TUBGCP2: variants seen among roughly 807,000 people sequenced by gnomAD.
TUBGCP2 encodes gamma-tubulin complex component 2.
Under a neutral mutation model 92.2 loss-of-function variants are expected in TUBGCP2, and 55 were observed. That is an observed-to-expected ratio of 0.60 (90% confidence interval 0.48 to 0.75). The LOEUF (loss-of-function observed/expected upper bound fraction) is 0.75. Among genes scored for constraint, TUBGCP2 ranks in the 30% least tolerant of loss-of-function variants. The pLI, the probability that TUBGCP2 is intolerant of heterozygous loss-of-function variation, is 0.00. For synonymous variants in TUBGCP2, 533 were observed against 505.2 expected (o/e 1.06, Z -0.74); for missense variants, 1,093 against 1,188.9 (o/e 0.92, Z 1.19).
intron 2 of TUBGCP2, chr10:133,302,172 T>TC (rs1252121004): frequency 6.3e-6 from 1 of 159,070 alleles, no homozygotes; most frequent in Non-Finnish European, 1.4e-5. Context: ...CAGGAGCTGC[T>TC]GGGGGGAGTC....
chr10:133,291,801 G>A lies in TUBGCP2; in HGVS notation c.1214+698C>T, dbSNP rs751996190. On this transcript the variant is annotated intron_variant, in intron 8 of 17. Coordinates refer to ENST00000252936, the MANE Select transcript of TUBGCP2 (RefSeq NM_006659.4). ...ACCTGTACGGGAGAGGGCAGCACGC[G>A]CCCTCCGTGTCCCCCATGTCCCTCC... Among the ~76,000 whole-genome samples, 18 of 25,418 alleles carry A rather than the reference G, an allele frequency of 7.1e-4. 1 individual carries two copies. The highest frequency in any genetic ancestry group is 9.9e-4 in the African/African-American group (8 of 8,064). The allele number at this position is 25,418 out of a possible 152,430, so 16.7% of individuals were successfully genotyped here. A position where few individuals can be genotyped will look rare whatever the true frequency, so the allele number is the denominator to read the frequency against.
chr10:133,308,905 A>G, upstream of TUBGCP2: 2 of 1,206,780 alleles, frequency 1.7e-6, no homozygotes, highest in Non-Finnish European at 2.1e-6. Context: ...CGGCTCGCGG[A>G]CGGTGGCCGA....
At chr10:133,310,182 G>C (rs1847957600), upstream of TUBGCP2, 1 of 1,613,868 alleles carries the variant, frequency 6.2e-7, no homozygotes, top group Non-Finnish European at 8.5e-7. Flanking sequence ...CTTGGTAGAA[G>C]GCTGCACAGA....
chr10:133,298,683 T>C (rs76397714), intron 4 of TUBGCP2, among the ~76,000 whole-genome samples: 6 of 152,354 alleles, frequency 3.9e-5, no homozygotes, highest in African/African-American at 1.4e-4. Context: ...TGACTCCCAC[T>C]CAGGGCTGGT....
At chr10:133,282,074 G>A in intron 16 of TUBGCP2, 149 bp downstream of exon 16, 3 of 1,297,118 alleles carry the variant, frequency 2.3e-6, no homozygotes, top group Non-Finnish European at 3.1e-6. Flanking sequence ...TTGTGCTTGT[G>A]CTTGGAAGCT....
chr10:133,293,705 G>A lies in TUBGCP2; in HGVS notation c.681C>T (p.Gly227=), dbSNP rs751209794. 6.0e-5 allele frequency: 96 copies of A among 1,605,202 alleles called. 1 individual carries two copies. The highest frequency in any genetic ancestry group is 1.2e-4 in the African/African-American group (9 of 74,830). The change falls in exon 6 of 18, where the codon GGC becomes GGT. Residue 227 remains glycine, a synonymous_variant. Transcript: ENST00000252936. ...GAGCACTGACGTACCTCCCGTCCAC[G>A]CCCACCAGCACGTACAGCAGGTCCT... is the stretch of plus-strand genomic sequence containing the variant. ...VVEDLLYVLV[G]VDGRYVSAQP...
In TUBGCP2 at chr10:133,285,298, C is replaced by A; in HGVS notation, c.1896-85G>T. Reference sequence around the variant, plus strand: ...GGCGTCTGTACTCCACAGTCCGCACCGTGGCCCCCGGACAGCCCGTGAATC... The same window carrying A: ...GGCGTCTGTACTCCACAGTCCGCACAGTGGCCCCCGGACAGCCCGTGAATC... On this transcript the variant is annotated intron_variant, in intron 12 of 17. Transcript: ENST00000252936. This position sits in a 1 kb window ranked among gnomAD's most constrained non-coding sequence, Gnocchi z 6.8. The A allele has an allele frequency of 6.3e-7, 1 of 1,596,230 alleles. No individual in the cohort carries two copies. The highest frequency in any genetic ancestry group is 2.3e-5 in the East Asian group (1 of 44,374).
chr10:133,301,789 A>C (rs1021002844), intron 2 of TUBGCP2: 13 of 127,810 alleles, frequency 1.0e-4, no homozygotes, highest in African/African-American at 2.8e-4. Context: ...ATCTCGGCTC[A>C]CTGCAAGCTC....
At chr10:133,308,478 G>A (rs1409394351) in intron 1 of TUBGCP2, 1 of 153,170 alleles carries the variant, frequency 6.5e-6, no homozygotes, top group Non-Finnish European at 1.5e-5. Context: ...ACAAGATCCA[G>A]GGACTGCAGC....
At position 133,300,016 on chromosome 10, in the gene TUBGCP2, T is replaced by A. The variant is rs1179238563; in HGVS notation, c.248A>T (p.Tyr83Phe). ...KNTRNLDPLV[Y>F]LLSKLTEDKE... The stretch of plus-strand genomic sequence containing the variant: ...GTCTTCCGTGAGCTTTGACAACAGG[T>A]ACACCAGCGGGTCAAGGTTCCTTGT... The change falls in exon 3 of 18, where the codon TAC becomes TTC. Residue 83 changes from tyrosine (Y) to phenylalanine (F), a missense_variant. By Grantham distance (22) the Tyr-to-Phe change is conservative. Around this residue, in one of 3 missense-constraint regions of TUBGCP2, gnomAD observed 490 missense variants for 488.5 expected, o/e 1.00. Transcript: ENST00000252936. 26 of 1,614,060 alleles carry A rather than the reference T, an allele frequency of 1.6e-5. No individual in the cohort carries two copies. The highest frequency in any genetic ancestry group is 2.0e-5 in the Non-Finnish European group (24 of 1,180,032).
At chr10:133,283,036 C>T in intron 15 of TUBGCP2, 42 bp downstream of exon 15, 2 of 1,610,368 alleles carry the variant, frequency 1.2e-6, no homozygotes, top group Non-Finnish European at 1.7e-6. Context: ...GGTCTGCCCA[C>T]CCGCGCCTGC....
chr10:133,285,373 G>T lies in TUBGCP2; in HGVS notation c.1895+83C>A. Reference sequence around the variant, plus strand: ...AGCCGCCTTGGGTCCTCTGTGGGACGAGGTGGCCACCGCGTGGCACAGTTC... The same window carrying T: ...AGCCGCCTTGGGTCCTCTGTGGGACTAGGTGGCCACCGCGTGGCACAGTTC... On this transcript the variant is annotated intron_variant, in intron 12 of 17. Transcript: ENST00000252936. The surrounding 1 kb of genome is among the most constrained non-coding windows in gnomAD (Gnocchi z 6.8). 6.2e-7 allele frequency: 1 copy of T among 1,600,010 alleles called. No homozygotes were observed. Among genetic ancestry groups the T allele is most frequent in the South Asian group, 1.1e-5 (1 of 89,080 alleles).
At chr10:133,309,282 G>A, upstream of TUBGCP2, 1 of 1,420,306 alleles carries the variant, frequency 7.0e-7, no homozygotes, top group South Asian at 1.3e-5. Context: ...GAGGCTGTGG[G>A]GCGGGACCGG....
upstream of TUBGCP2, chr10:133,309,555 T>C (rs565473441): frequency 1.1e-4 from 160 of 1,438,530 alleles, no homozygotes; most frequent in African/African-American, 2.0e-3. Context: ...CGCTCTTCCA[T>C]GTGCGGCCGC....
intron 1 of TUBGCP2, 25 bp downstream of exon 1, chr10:133,308,798 G>C (rs1324446891): frequency 1.4e-5 from 8 of 583,622 alleles, no homozygotes; most frequent in Non-Finnish European, 1.9e-5. Context: ...CATCACGCCC[G>C]CGCCCGCGTT....
rs1846913809 is a variant in TUBGCP2 at position 133,279,618 on chromosome 10, T to C, written c.*148A>G. ...CTTCTATAAAACGAAACCCAGCGCC[T>C]TGAGAAACAAAGTGAGCTGAGTCAA... On this transcript the variant is annotated 3_prime_UTR_variant, in exon 18 of 18. Coordinates refer to ENST00000252936, the MANE Select transcript of TUBGCP2 (RefSeq NM_006659.4). 2.1e-5 allele frequency: 27 copies of C among 1,259,732 alleles called. No individual in the cohort carries two copies. The highest frequency in any genetic ancestry group is 2.7e-5 in the Non-Finnish European group (26 of 964,948). 78.0% of individuals were successfully genotyped at this position (1,259,732 alleles called of 1,614,324 possible).
chr10:133,308,907 G>C, upstream of TUBGCP2: 1 of 1,209,028 alleles, frequency 8.3e-7, no homozygotes, highest in Non-Finnish European at 1.0e-6. Context: ...GCTCGCGGAC[G>C]GTGGCCGACA....
Position 133,283,154 on chromosome 10 carries a change from A to G in TUBGCP2, c.2213T>C (p.Met738Thr). The change falls in exon 15 of 18, where the codon ATG becomes ACG. Residue 738 changes from methionine (M) to threonine (T), a missense_variant. Coordinates refer to ENST00000252936, the MANE Select transcript of TUBGCP2 (RefSeq NM_006659.4). ...CTTCAGCAGCTCGGGGTTGGTGAGCATGCAGTCCTTCAGGCAGGTGTCCAG... is the reference window on the plus strand; with the variant it reads ...CTTCAGCAGCTCGGGGTTGGTGAGCGTGCAGTCCTTCAGGCAGGTGTCCAG... ...GFLDTCLKDC[M>T]LTNPELLKVF... The G allele has an allele frequency of 6.2e-7, 1 of 1,614,258 alleles. No individual in the cohort carries two copies. The highest frequency in any genetic ancestry group is 8.5e-7 in the Non-Finnish European group (1 of 1,180,046).
chr10:133,297,976 T>C lies in TUBGCP2; in HGVS notation c.592A>G (p.Ser198Gly), dbSNP rs766617471. The change falls in exon 5 of 18, where the codon AGC becomes GGC. Residue 198 changes from serine to glycine, a missense_variant. Ser to Gly is a moderately conservative substitution (Grantham distance 56, BLOSUM62 0). Coordinates refer to ENST00000252936, the MANE Select transcript of TUBGCP2 (RefSeq NM_006659.4). Reference protein sequence around the residue: ...IGDFLIGAGISTDTALPIGTL... With the variant: ...IGDFLIGAGIGTDTALPIGTL... ...CCTATCGGCAAAGCGGTGTCTGTGC[T>C]GATGCCAGCACCAATCAGGAAATCC... is the stretch of plus-strand genomic sequence containing the variant. 5.6e-6 allele frequency: 9 copies of C among 1,613,610 alleles called. No homozygotes were observed. In the East Asian group the frequency reaches 1.8e-4, roughly 32 times the overall value.
Sources: allele counts gnomAD v4.1 joint callset (sites outside exome capture counted in the v4.1 genomes callset), GRCh38; gene constraint gnomAD v4.1.1; regional missense constraint gnomAD v4.1.1; non-coding constraint Gnocchi (gnomAD v3.1); transcripts MANE v1.5; gene names NCBI Gene and HGNC (gene_info 2026-07-23, HGNC 2026-07-21).